DHRSX: variants seen among roughly 807,000 people sequenced by gnomAD.
DHRSX encodes the protein polyprenol dehydrogenase.
In DHRSX, 31 loss-of-function variants were observed where a neutral mutation model predicts 34.0. The observed-to-expected ratio is 0.91, with a 90% CI of 0.69 to 1.23. DHRSX has a LOEUF of 1.23. Ranked by LOEUF, DHRSX falls within the 50% of genes most tolerant of loss-of-function variation. DHRSX has a pLI of 0.00. For missense variants in DHRSX, 414 were observed against 428.1 expected (o/e 0.97, Z 0.29); for synonymous variants, 201 against 183.8 (o/e 1.09, Z -0.76).
intron 6 of DHRSX, among the ~76,000 whole-genome samples, chrX:2,239,621 T>C (rs953602355): frequency 1.2e-4 from 18 of 151,458 alleles, no homozygotes; most frequent in African/African-American, 4.4e-4. Flanking sequence ...AAAAAAAAAT[T>C]AGCCAGACGT....
chrX:2,432,229 A>C (rs1274815292), intron 1 of DHRSX, among the ~76,000 whole-genome samples: 3 of 151,968 alleles, frequency 2.0e-5, no homozygotes, highest in African/African-American at 7.3e-5. Flanking sequence ...AAAATAAAAT[A>C]GAAGTTGGAG....
chrX:2,291,334 C>T (rs1390599979), intron 4 of DHRSX, among the ~76,000 whole-genome samples, 168 bp downstream of exon 4: 1 of 152,212 alleles, frequency 6.6e-6, no homozygotes, highest in Non-Finnish European at 1.5e-5. Context: ...AAGAATGATG[C>T]TCTTCCAAAG....
At chrX:2,489,562 C>A in intron 1 of DHRSX, 1 of 1,612,726 alleles carries the variant, frequency 6.2e-7, no homozygotes, top group Non-Finnish European at 8.5e-7. Flanking sequence ...CGCTGGCCTC[C>A]AGCATGAGGT....
At position 2,435,655 on chromosome X, in the gene DHRSX, C is replaced by T. The variant is rs184460779; in HGVS notation, c.110-10351G>A. Among the ~76,000 whole-genome samples, 1,456 of 152,022 alleles carry T rather than the reference C, an allele frequency of 9.6e-3. 39 individuals carry two copies. The highest frequency in any genetic ancestry group is 0.052 in the East Asian group (269 of 5,160). ...TGGCTTGCATGTGTAGTCCCAGGTA[C>T]GTGGGAGGCTGAGATGGGAGGATTG... is the stretch of plus-strand genomic sequence containing the variant. On this transcript the variant is annotated intron_variant, in intron 1 of 6. Transcript: ENST00000334651.
rs866655886 is a variant in DHRSX, at chrX:2,371,394, C to T, written c.286+37351G>A. ...ATAGACCCTCCGTTACCACAGTCCC[C>T]CCTTCTCACATTACCATAGTCCCTC... On this transcript the variant is annotated intron_variant, in intron 3 of 6. Transcript: ENST00000334651. 9.9e-3 allele frequency among the ~76,000 whole-genome samples: 1,480 copies of T among 149,112 alleles called. 30 individuals are homozygous for T. Among genetic ancestry groups the T allele is most frequent in the African/African-American group, 0.036 (1,414 of 39,230 alleles).
chrX:2,303,793 G>GGA (rs2042046836), intron 3 of DHRSX, among the ~76,000 whole-genome samples: 16 of 35,812 alleles, frequency 4.5e-4, no homozygotes, highest in Non-Finnish European at 1.2e-3. Context: ...GGATGGATGG[G>GGA]TGGGTGGGTG....
chrX:2,387,860 G>GA (rs34709179), intron 3 of DHRSX, among the ~76,000 whole-genome samples: 8,712 of 49,560 alleles, frequency 0.18, 381 homozygotes, highest in Middle Eastern at 0.36. Context: ...ACAGCAGGCG[G>GA]AAAAAAAAAA....
At chrX:2,446,804 G>T (rs189940460) in intron 1 of DHRSX, among the ~76,000 whole-genome samples, 1 of 151,948 alleles carries the variant, frequency 6.6e-6, no homozygotes, top group Non-Finnish European at 1.5e-5. Context: ...TGTAGGCACT[G>T]AAGACATTCC....
rs375979711 is a variant in DHRSX at position 2,307,538 on chromosome X, T to A, written c.287-15935A>T. ...CAGCACTTTGGGAGGCCGAGGCGGG[T>A]GGATCACGAGGGGTCAGGAGATCGA... is the stretch of plus-strand genomic sequence containing the variant. On this transcript the variant is annotated intron_variant, in intron 3 of 6. Transcript: ENST00000334651. Among the ~76,000 whole-genome samples, 46 of 151,276 alleles carry A rather than the reference T, an allele frequency of 3.0e-4. 1 individual carries two copies. Among genetic ancestry groups the A allele is most frequent in the African/African-American group, 1.0e-3 (42 of 41,306 alleles).
At chrX:2,235,868 C>T (rs1373669774) in intron 6 of DHRSX, among the ~76,000 whole-genome samples, 1 of 150,036 alleles carries the variant, frequency 6.7e-6, no homozygotes, top group Admixed American at 6.7e-5. Flanking sequence ...CATCCCAGCA[C>T]TTTGGGAGAC....
In DHRSX at chrX:2,408,370, G is replaced by A. The variant is rs1041728769; in HGVS notation, c.286+375C>T. The stretch of plus-strand genomic sequence containing the variant: ...ATTACAGGCGCGAGCCACTGCGCCC[G>A]GCCTGATTTATCTTAAGTCAAGAAC... On this transcript the variant is annotated intron_variant, in intron 3 of 6. Coordinates refer to ENST00000334651, the MANE Select transcript of DHRSX (RefSeq NM_145177.3). Among the ~76,000 whole-genome samples the A allele has an allele frequency of 5.3e-5, 8 of 152,074 alleles. No homozygotes were observed. In the South Asian group the frequency reaches 6.2e-4, roughly 12 times the overall value.
intron 3 of DHRSX, among the ~76,000 whole-genome samples, chrX:2,292,450 C>G (rs2041877862): frequency 6.6e-6 from 1 of 152,174 alleles, no homozygotes; most frequent in Non-Finnish European, 1.5e-5. Context: ...CCCGCAGCAG[C>G]TGTGGGATAG....
At chrX:2,329,086 A>G (rs1284419178) in intron 3 of DHRSX, among the ~76,000 whole-genome samples, 3 of 152,160 alleles carry the variant, frequency 2.0e-5, no homozygotes, top group Admixed American at 1.3e-4. Flanking sequence ...TAAAAAGAGT[A>G]TTGCATTCTT....
intron 1 of DHRSX, among the ~76,000 whole-genome samples, chrX:2,472,459 C>T (rs766556858): frequency 3.3e-5 from 5 of 152,102 alleles, no homozygotes; most frequent in African/African-American, 1.2e-4. Flanking sequence ...AATGAACCTG[C>T]ACACGTGCCC....
intron 5 of DHRSX, among the ~76,000 whole-genome samples, chrX:2,254,958 T>G (rs927256191): frequency 7.8e-6 from 1 of 128,044 alleles, no homozygotes; most frequent in Non-Finnish European, 1.6e-5. Flanking sequence ...CCCCCCCCTT[T>G]TTTTTCTTTT....
At chrX:2,430,523 G>A (rs1001438787) in intron 1 of DHRSX, among the ~76,000 whole-genome samples, 1 of 152,036 alleles carries the variant, frequency 6.6e-6, no homozygotes, top group Non-Finnish European at 1.5e-5. Context: ...CCAATGACTC[G>A]GCATGACCAG....
At chrX:2,244,766 C>G (rs896205349) in intron 5 of DHRSX, among the ~76,000 whole-genome samples, 1 of 151,892 alleles carries the variant, frequency 6.6e-6, no homozygotes, top group Non-Finnish European at 1.5e-5. Flanking sequence ...AGCTGGAGTA[C>G]AGTGGCGTGA....
rs1377684190 is a variant in DHRSX, at chrX:2,308,149, G to A, written c.287-16546C>T. ...CCTAGGAGCTACAAAATGAGTGTCT[G>A]CCACGTAGCTCATGGAATAAGATGG... On this transcript the variant is annotated intron_variant, in intron 3 of 6. Coordinates refer to ENST00000334651, the MANE Select transcript of DHRSX (RefSeq NM_145177.3). Among the ~76,000 whole-genome samples, 50 of 152,150 alleles carry A rather than the reference G, an allele frequency of 3.3e-4. 1 individual carries two copies. Among genetic ancestry groups the A allele is most frequent in the Non-Finnish European group, 1.2e-4 (8 of 68,030 alleles).
chrX:2,500,392 G>A, intron 1 of DHRSX: 2 of 171,108 alleles, frequency 1.2e-5, no homozygotes, highest in Admixed American at 6.0e-5. Flanking sequence ...GTCACTGGCC[G>A]ACCGCAGGCG....
Sources: gnomAD v4.1 joint callset for allele counts (sites outside exome capture counted in the v4.1 genomes callset) on GRCh38, gnomAD v4.1.1 for gene constraint, MANE v1.5 for transcripts, NCBI Gene and HGNC (gene_info 2026-07-23, HGNC 2026-07-21) for gene names.